Variants in FKTN observed in about 807,000 individuals in gnomAD.
The protein encoded by FKTN is fukutin, also known as ribitol-5-phosphate transferase FKTN.
Under a neutral mutation model 58.6 loss-of-function variants are expected in FKTN, and 47 were observed. That is an observed-to-expected ratio of 0.80 (90% CI 0.63 to 1.02). The LOEUF (loss-of-function observed/expected upper bound fraction) is 1.02, where lower values mean the gene tolerates loss of function less well. Ranked by LOEUF, FKTN falls within the 50% of genes least tolerant of loss-of-function variation. The probability of loss-of-function intolerance (pLI) is 0.00; values close to 1 mark genes in which losing one functional copy is unlikely to be tolerated. For synonymous variants in FKTN, 178 were observed against 191.9 expected (o/e 0.93, Z 0.60); for missense variants, 516 against 537.3 (o/e 0.96, Z 0.39).
chr9:105,608,674 A>G (rs947207213), intron 7 of FKTN, among the ~76,000 whole-genome samples: 1 of 152,202 alleles, frequency 6.6e-6, no homozygotes, highest in African/African-American at 2.4e-5. Flanking sequence ...GGATACGAAA[A>G]TGAAGTATAT....
At position 105,631,883 on chromosome 9, in the gene FKTN, G is replaced by A. The variant is rs879888371; in HGVS notation, c.1173-3168G>A. On this transcript the variant is annotated intron_variant, in intron 10 of 10. Transcript: ENST00000357998. ...GGCGACTCCTCAGGGATCTAGAACTGGAAATACCATTTGACCCAGCCATCC... is the reference window on the plus strand; with the variant it reads ...GGCGACTCCTCAGGGATCTAGAACTAGAAATACCATTTGACCCAGCCATCC... Among the ~76,000 whole-genome samples, 1,197 of 150,490 alleles carry A rather than the reference G, an allele frequency of 8.0e-3. 10 individuals carry two copies. Among genetic ancestry groups the A allele is most frequent in the Middle Eastern group, 0.024 (7 of 292 alleles).
At chr9:105,602,025 T>C (rs1827954296) in intron 5 of FKTN, among the ~76,000 whole-genome samples, 1 of 152,180 alleles carries the variant, frequency 6.6e-6, no homozygotes, top group African/African-American at 2.4e-5. Context: ...TATTTAGAAG[T>C]AGGATCACAG....
intron 10 of FKTN, among the ~76,000 whole-genome samples, chr9:105,632,681 A>G (rs1018806920): frequency 6.6e-6 from 1 of 152,152 alleles, no homozygotes. Flanking sequence ...AGGGAAAAAA[A>G]TGGTCTATTC....
At chr9:105,581,734 G>T (rs1842957539) in intron 3 of FKTN, among the ~76,000 whole-genome samples, 1 of 152,218 alleles carries the variant, frequency 6.6e-6, no homozygotes, top group African/African-American at 2.4e-5. Context: ...ACCTAAGCAA[G>T]CCTGGGCAAT....
intron 4 of FKTN, among the ~76,000 whole-genome samples, chr9:105,599,660 C>G (rs778699054): frequency 6.6e-6 from 1 of 151,726 alleles, no homozygotes; most frequent in African/African-American, 2.4e-5. Context: ...CACACCACCA[C>G]GCCCGGCTAA....
At chr9:105,583,594 T>C (rs557125765) in intron 3 of FKTN, among the ~76,000 whole-genome samples, 19 of 152,322 alleles carry the variant, frequency 1.2e-4, no homozygotes, top group Admixed American at 1.2e-3. Context: ...TCTTTATAGT[T>C]TGAAGAATAT....
chr9:105,581,414 G>C (rs1842870167), intron 3 of FKTN, among the ~76,000 whole-genome samples: 1 of 148,868 alleles, frequency 6.7e-6, no homozygotes, highest in Non-Finnish European at 1.5e-5. Flanking sequence ...AGGTCTGTTG[G>C]AGTACCCTGC....
intron 1 of FKTN, among the ~76,000 whole-genome samples, chr9:105,570,828 A>G (rs986645424): frequency 6.6e-6 from 1 of 152,130 alleles, no homozygotes; most frequent in Non-Finnish European, 1.5e-5. Context: ...AAGAAGTGTC[A>G]TTTGAGAGGA....
chr9:105,600,768 A>G (rs1588084489), intron 4 of FKTN: 1 of 175,518 alleles, frequency 5.7e-6, no homozygotes, highest in Non-Finnish European at 1.2e-5. Flanking sequence ...GAAAAGATTT[A>G]GCTAATACTA....
At chr9:105,559,502 G>T (rs1213904535) in intron 1 of FKTN, among the ~76,000 whole-genome samples, 1 of 152,040 alleles carries the variant, frequency 6.6e-6, no homozygotes, top group African/African-American at 2.4e-5. Flanking sequence ...GGCCAACATG[G>T]TGAAACCCTA....
intron 1 of FKTN, among the ~76,000 whole-genome samples, chr9:105,566,523 A>G (rs1839655197): frequency 6.6e-6 from 1 of 152,182 alleles, no homozygotes; most frequent in Non-Finnish European, 1.5e-5. Context: ...ACACCTCTAC[A>G]CAAATAAACT....
intron 7 of FKTN, among the ~76,000 whole-genome samples, chr9:105,611,309 C>A (rs1829871951): frequency 6.6e-6 from 1 of 151,896 alleles, no homozygotes; most frequent in African/African-American, 2.4e-5. Context: ...GTATAGTAAT[C>A]CTGAGATTTG....
At chr9:105,596,723 A>T in intron 4 of FKTN, 66 bp downstream of exon 4, 1 of 1,166,898 alleles carries the variant, frequency 8.6e-7, no homozygotes, top group Non-Finnish European at 1.3e-6. Flanking sequence ...TTACTCCGTA[A>T]GTATTTGTTG....
chr9:105,636,911 T>G lies in FKTN; in HGVS notation c.*1647T>G. ...TGATAAATGATAACCAACAGTCTTC[T>G]GTCCTAATTTGCATTCTCAATGCAG... On this transcript the variant is annotated 3_prime_UTR_variant, in exon 11 of 11. Transcript: ENST00000357998. The G allele has an allele frequency of 7.5e-6, 8 of 1,071,048 alleles. No homozygotes were observed. The highest frequency in any genetic ancestry group is 9.2e-6 in the Non-Finnish European group (8 of 867,406). The allele number at this position is 1,071,048 out of a possible 1,614,324, so 66.3% of individuals were successfully genotyped here.
At chr9:105,609,012 A>G (rs1829417468) in intron 7 of FKTN, among the ~76,000 whole-genome samples, 1 of 152,190 alleles carries the variant, frequency 6.6e-6, no homozygotes, top group Non-Finnish European at 1.5e-5. Flanking sequence ...TATTATAGCA[A>G]TTATCACAGT....
chr9:105,591,175 TC>T (rs1844800932), intron 3 of FKTN, among the ~76,000 whole-genome samples: 1 of 152,122 alleles, frequency 6.6e-6, no homozygotes. Flanking sequence ...ACCATATTAT[TC>T]TGCCCCTGGC....
intron 1 of FKTN, among the ~76,000 whole-genome samples, chr9:105,560,974 C>A (rs113908049): frequency 6.6e-6 from 1 of 152,040 alleles, no homozygotes; most frequent in Non-Finnish European, 1.5e-5. Context: ...GTAGTCCCAG[C>A]TACTCGGGAG....
intron 1 of FKTN, among the ~76,000 whole-genome samples, chr9:105,560,754 C>A (rs1838150131): frequency 6.6e-6 from 1 of 152,068 alleles, no homozygotes; most frequent in African/African-American, 2.4e-5. Context: ...GTGTCCAGAA[C>A]CAAGCAATTA....
chr9:105,632,258 GGGACT>G (rs1833549543), intron 10 of FKTN, among the ~76,000 whole-genome samples: 1 of 151,902 alleles, frequency 6.6e-6, no homozygotes. Flanking sequence ...TCACACTCTG[GGGACT>G]GTTGTGGGGT....
Sources: allele counts gnomAD v4.1 joint callset (sites outside exome capture counted in the v4.1 genomes callset), GRCh38; gene constraint gnomAD v4.1.1; transcripts MANE v1.5; gene names NCBI Gene and HGNC (gene_info 2026-07-23, HGNC 2026-07-21).